Variants in HEYL observed in about 807,000 individuals in gnomAD.
The protein encoded by HEYL is hairy/enhancer-of-split related with YRPW motif-like protein.
In HEYL, 12 loss-of-function variants were observed where a neutral mutation model predicts 18.6. The observed-to-expected ratio is 0.65, with a 90% CI of 0.41 to 1.05. HEYL has a LOEUF of 1.05. Among genes scored for constraint, HEYL ranks in the 50% least tolerant of loss-of-function variants. HEYL has a pLI of 0.00. For missense variants in HEYL, 420 were observed against 444.7 expected (o/e 0.94, Z 0.50); for synonymous variants, 159 against 179.6 (o/e 0.89, Z 0.91).
At chr1:39,630,332 G>A in intron 3 of HEYL, 24 bp from the exon 4 acceptor site, 2 of 1,588,960 alleles carry the variant, frequency 1.3e-6, no homozygotes, top group Non-Finnish European at 1.7e-6. Context: ...AGACAGAAGG[G>A]TGGAGCCTGC....
chr1:39,628,661 G>A (rs542495536), intron 4 of HEYL, among the ~76,000 whole-genome samples: 7 of 151,998 alleles, frequency 4.6e-5, no homozygotes, highest in Admixed American at 1.3e-4. Flanking sequence ...GCAGTGGTGC[G>A]ATCTCGACTC....
At position 39,631,431 on chromosome 1, in the gene HEYL, G is replaced by A. The variant is rs111738259; in HGVS notation, c.231+65C>T. On this transcript the variant is annotated intron_variant, in intron 3 of 4. Transcript: ENST00000372852. ...GCTACCAATCAACAAGAGATGCCATGAGAAACGAACCTTATCTGCCACCCA... is the reference window on the plus strand; with the variant it reads ...GCTACCAATCAACAAGAGATGCCATAAGAAACGAACCTTATCTGCCACCCA... 2.8e-5 allele frequency: 39 copies of A among 1,406,988 alleles called. No individual in the cohort carries two copies. In the African/African-American group the frequency reaches 3.0e-4, roughly 11 times the overall value. The allele number at this position is 1,406,988 out of a possible 1,614,324, so 87.2% of individuals were successfully genotyped here. A position where few individuals can be genotyped will look rare whatever the true frequency, so the allele number is the denominator to read the frequency against.
rs764180624 is a variant in HEYL at position 39,639,528 on chromosome 1, C to G, written c.80+18G>C. On this transcript the variant is annotated intron_variant, in intron 1 of 4. Transcript: ENST00000372852. ...CGCTCGCCCTCCGCCTGCTCGGTCC[C>G]CGCATCCCGGCCCTTACCTCAGCTG... 2 of 1,570,892 alleles carry G rather than the reference C, an allele frequency of 1.3e-6. No homozygotes were observed. Among genetic ancestry groups the G allele is most frequent in the Non-Finnish European group, 1.7e-6 (2 of 1,163,576 alleles).
In HEYL at chr1:39,630,229, G is replaced by C; in HGVS notation, c.311C>G (p.Thr104Arg). 6.2e-7 allele frequency: 1 copy of C among 1,613,290 alleles called. No homozygotes were observed. The highest frequency in any genetic ancestry group is 8.5e-7 in the Non-Finnish European group (1 of 1,179,264). ...HLKMLHATGG[T>R]GFFDARALAV... ...CTGAAAGAGAAGAGCATGGGTACCT[G>C]TCCCACCAGTGGCATGGAGCATTTT... The change falls in exon 4 of 5, where the codon ACA (threonine) becomes AGA (arginine). Residue 104 changes from threonine to arginine, a missense_variant and splice_region_variant. Thr to Arg is a moderately conservative substitution (Grantham distance 71). Coordinates refer to ENST00000372852, the MANE Select transcript of HEYL (RefSeq NM_014571.4).
rs1646376167 is a variant in HEYL at position 39,639,450 on chromosome 1, T to C, written c.80+96A>G. 9 of 1,016,064 alleles carry C rather than the reference T, an allele frequency of 8.9e-6. No homozygotes were observed. The Admixed American group carries it at 2.2e-4, about 25-fold the overall frequency. 62.9% of individuals were successfully genotyped at this position (1,016,064 alleles called of 1,614,324 possible). A position where few individuals can be genotyped will look rare whatever the true frequency, so the allele number is the denominator to read the frequency against. On this transcript the variant is annotated intron_variant, in intron 1 of 4. Transcript: ENST00000372852. ...CGCTCACCTGCCTCTGCCCAGGCGG[T>C]GCTGGAGGGCTGGCCCGCCTGCTCG...
chr1:39,639,515 G>A (rs1399622328), intron 1 of HEYL, 31 bp downstream of exon 1: 1 of 1,544,834 alleles, frequency 6.5e-7, no homozygotes, highest in Admixed American at 1.8e-5. Flanking sequence ...CTCGCCCTCC[G>A]CCTGCTCGGT....
At chr1:39,635,853 C>T (rs1183395961) in intron 1 of HEYL, among the ~76,000 whole-genome samples, 3 of 152,212 alleles carry the variant, frequency 2.0e-5, no homozygotes, top group Admixed American at 6.5e-5. Flanking sequence ...CGATCTGGCC[C>T]TGACAGTGGG....
intron 4 of HEYL, among the ~76,000 whole-genome samples, chr1:39,628,142 C>A (rs1646311019): frequency 6.6e-6 from 1 of 152,176 alleles, no homozygotes; most frequent in African/African-American, 2.4e-5. Flanking sequence ...TGGTTCATGG[C>A]CCCCACAGAG....
At chr1:39,627,765 G>A (rs904098077) in intron 4 of HEYL, among the ~76,000 whole-genome samples, 1 of 152,356 alleles carries the variant, frequency 6.6e-6, no homozygotes, top group Non-Finnish European at 1.5e-5. Flanking sequence ...TTCCTTAGCT[G>A]TAAAATGGGG....
intron 4 of HEYL, among the ~76,000 whole-genome samples, chr1:39,628,892 G>A (rs922937771): frequency 7.3e-6 from 1 of 137,896 alleles, no homozygotes; most frequent in Non-Finnish European, 1.5e-5. Context: ...GTGAGCCACC[G>A]CGCCCGGCCC....
At chr1:39,627,994 C>G (rs2124108400) in intron 4 of HEYL, among the ~76,000 whole-genome samples, 1 of 152,310 alleles carries the variant, frequency 6.6e-6, no homozygotes, top group Non-Finnish European at 1.5e-5. Flanking sequence ...GATGGATAAC[C>G]AGGTGAACTT....
At chr1:39,639,456 A>C (rs1557739877) in intron 1 of HEYL, 90 bp downstream of exon 1, 2 of 1,095,578 alleles carry the variant, frequency 1.8e-6, no homozygotes, top group Non-Finnish European at 1.3e-6. Flanking sequence ...GCGGTGCTGG[A>C]GGGCTGGCCC....
chr1:39,630,377 T>C (rs1047558554), intron 3 of HEYL, 69 bp from the exon 4 acceptor site: 12 of 1,249,734 alleles, frequency 9.6e-6, no homozygotes, highest in Non-Finnish European at 1.3e-5. Flanking sequence ...TCATCAGCAC[T>C]CACTGTCTCG....
chr1:39,632,616 T>C, intron 2 of HEYL, 33 bp downstream of exon 2: 7 of 1,589,238 alleles, frequency 4.4e-6, no homozygotes, highest in South Asian at 1.1e-5. Flanking sequence ...CAACCCTTTG[T>C]TGGTCAACTC....
intron 1 of HEYL, among the ~76,000 whole-genome samples, chr1:39,639,092 T>C (rs1051055755): frequency 6.6e-6 from 1 of 152,184 alleles, no homozygotes; most frequent in Non-Finnish European, 1.5e-5. Context: ...CCTGAAATAA[T>C]TTGTGGACTA....
In HEYL at chr1:39,626,208, A is replaced by G. The variant is rs1383920660; in HGVS notation, c.*299T>C. ...GTTCATGCCTGCTGCTGGTGTGCAGAGGGCAGGAGAGGGGTCTGGGCGGAT... is the reference window on the plus strand; with the variant it reads ...GTTCATGCCTGCTGCTGGTGTGCAGGGGGCAGGAGAGGGGTCTGGGCGGAT... On this transcript the variant is annotated 3_prime_UTR_variant, in exon 5 of 5. Coordinates refer to ENST00000372852, the MANE Select transcript of HEYL (RefSeq NM_014571.4). 4 of 320,440 alleles carry G rather than the reference A, an allele frequency of 1.2e-5. No individual in the cohort carries two copies. The highest frequency in any genetic ancestry group is 8.5e-5 in the African/African-American group (4 of 46,896). The allele number at this position is 320,440 out of a possible 1,614,324, so 19.8% of individuals were successfully genotyped here.
chr1:39,627,286 G>A, intron 4 of HEYL, 106 bp from the exon 5 acceptor site: 1 of 1,017,968 alleles, frequency 9.8e-7, no homozygotes, highest in South Asian at 1.6e-5. Context: ...CACTCCCTGG[G>A]CAGCCGTGGC....
At chr1:39,631,665 A>T in intron 2 of HEYL, 86 bp from the exon 3 acceptor site, 1 of 1,054,868 alleles carries the variant, frequency 9.5e-7, no homozygotes, top group Non-Finnish European at 1.5e-6. Context: ...ATATTTACCC[A>T]CACAGTATTT....
At chr1:39,635,449 C>T (rs535911134) in intron 1 of HEYL, among the ~76,000 whole-genome samples, 13 of 152,354 alleles carry the variant, frequency 8.5e-5, no homozygotes, top group East Asian at 7.7e-4. Flanking sequence ...TGGAGGCTGA[C>T]GCACCCATTT....
Sources: gnomAD v4.1 joint callset for allele counts (sites outside exome capture counted in the v4.1 genomes callset) on GRCh38, gnomAD v4.1.1 for gene constraint, MANE v1.5 for transcripts, NCBI Gene and HGNC (gene_info 2026-07-23, HGNC 2026-07-21) for gene names.